KIAA1549: variants seen among roughly 807,000 people sequenced by gnomAD.
KIAA1549 encodes the protein KIAA1549, also known as UPF0606 protein KIAA1549.
KIAA1549 carries 70 observed loss-of-function variants against 156.4 expected under a neutral mutation model. That is an observed-to-expected ratio of 0.45 (90% CI 0.37 to 0.55). The LOEUF (loss-of-function observed/expected upper bound fraction) is 0.55, where lower values mean the gene tolerates loss of function less well. Ranked by LOEUF, KIAA1549 falls within the 20% of genes least tolerant of loss-of-function variation. The pLI is 0.00. For synonymous variants in KIAA1549, 1,103 were observed against 1,066.4 expected, an observed-to-expected ratio of 1.03 and a Z score of -0.67; for missense variants, 2,428 against 2,540.9, an observed-to-expected ratio of 0.96 and a Z score of 0.96.
At chr7:138,866,999 C>T (rs976231476) in intron 15 of KIAA1549, among the ~76,000 whole-genome samples, 14 of 151,978 alleles carry the variant, frequency 9.2e-5, no homozygotes, top group South Asian at 6.2e-4. Flanking sequence ...GACGGGGTTT[C>T]GCTATATTGC....
Position 138,916,612 on chromosome 7 carries a change from A to T in KIAA1549, c.2878+136T>A, listed in dbSNP as rs1584753174. The stretch of plus-strand genomic sequence containing the variant: ...CTGAGAACTCGCAGGAGGTAAGCAT[A>T]GGAGTACTACCTGGGAGTTAACTGA... On this transcript the variant is annotated intron_variant, in intron 2 of 19. Coordinates refer to ENST00000422774, the MANE Select transcript of KIAA1549 (RefSeq NM_001164665.2). 3 of 1,380,956 alleles carry T rather than the reference A, an allele frequency of 2.2e-6. No individual in the cohort carries two copies. The South Asian group carries it at 4.4e-5, about 20-fold the overall frequency. The allele number at this position is 1,380,956 out of a possible 1,614,324, so 85.5% of individuals were successfully genotyped here.
Position 138,918,780 on chromosome 7 carries a change from A to T in KIAA1549, c.846T>A (p.Phe282Leu). ...SLTEGVETTL[F>L]LSSRSLMPQP... ...GTGGCATTAAAGACCGGGAGCTTAA[A>T]AAAAGGGTGGTTTCCACACCCTCTG... The change falls in exon 2 of 20, where the codon TTT becomes TTA. Residue 282 changes from phenylalanine (F) to leucine (L), a missense_variant. Phe to Leu is a conservative substitution (Grantham distance 22, BLOSUM62 0). Around this residue, in one of 5 missense-constraint regions of KIAA1549, gnomAD observed 893 missense variants for 847.9 expected, o/e 1.05. Transcript: ENST00000422774. This position sits in a 1 kb window ranked among gnomAD's most constrained non-coding sequence, Gnocchi z 4.2. 2 of 1,613,958 alleles carry T rather than the reference A, an allele frequency of 1.2e-6. No homozygotes were observed. Among genetic ancestry groups the T allele is most frequent in the Non-Finnish European group, 1.7e-6 (2 of 1,179,882 alleles).
At chr7:138,864,402 G>A (rs963493905) in intron 15 of KIAA1549, among the ~76,000 whole-genome samples, 1 of 152,118 alleles carries the variant, frequency 6.6e-6, no homozygotes, top group Non-Finnish European at 1.5e-5. Flanking sequence ...CTGCCAGAAG[G>A]CCAGGAGCTC....
chr7:138,967,733 G>A (rs1455814715), intron 1 of KIAA1549, among the ~76,000 whole-genome samples: 5 of 152,146 alleles, frequency 3.3e-5, no homozygotes, highest in Non-Finnish European at 7.3e-5. Flanking sequence ...ATGCTGAGGT[G>A]AGGTAAGGTG....
chr7:138,950,379 G>A (rs917497628), intron 1 of KIAA1549, among the ~76,000 whole-genome samples: 4 of 152,144 alleles, frequency 2.6e-5, no homozygotes, highest in African/African-American at 9.7e-5. Flanking sequence ...GTCAGAAAAG[G>A]AAAGCCTGCC....
chr7:138,961,833 C>T (rs889031314), intron 1 of KIAA1549, among the ~76,000 whole-genome samples: 8 of 135,654 alleles, frequency 5.9e-5, no homozygotes, highest in African/African-American at 2.4e-4. Context: ...CAGATAGAGG[C>T]TCTGTCTCTT....
intron 15 of KIAA1549, among the ~76,000 whole-genome samples, chr7:138,865,375 G>A (rs140468037): frequency 3.8e-4 from 58 of 152,114 alleles, no homozygotes; most frequent in African/African-American, 1.3e-3. Context: ...TATTTTTGAG[G>A]GGAAAGTGGA....
chr7:138,933,776 G>A (rs1490520836), intron 1 of KIAA1549, among the ~76,000 whole-genome samples: 1 of 152,174 alleles, frequency 6.6e-6, no homozygotes, highest in Non-Finnish European at 1.5e-5. Flanking sequence ...GACCAACCTC[G>A]CCAACATGGC....
At chr7:138,931,092 T>TCCTA (rs1424757905) in intron 1 of KIAA1549, among the ~76,000 whole-genome samples, 1 of 152,072 alleles carries the variant, frequency 6.6e-6, no homozygotes, top group Admixed American at 6.6e-5. Flanking sequence ...AGTTGAGCAG[T>TCCTA]TAGGACACGC....
intron 13 of KIAA1549, among the ~76,000 whole-genome samples, chr7:138,870,296 T>C (rs1810889657): frequency 6.6e-6 from 1 of 151,684 alleles, no homozygotes; most frequent in Non-Finnish European, 1.5e-5. Context: ...CCACGAGCTT[T>C]ACCCTCAAGC....
At chr7:138,966,068 C>T (rs1340023360) in intron 1 of KIAA1549, among the ~76,000 whole-genome samples, 1 of 152,146 alleles carries the variant, frequency 6.6e-6, no homozygotes, top group African/African-American at 2.4e-5. Context: ...CTTGTCTTGC[C>T]CCCTTGCCTC....
In KIAA1549 at chr7:138,838,105, C is replaced by A. The variant is rs777312383; in HGVS notation, c.5654G>T (p.Arg1885Met). Residue 1885 changes from arginine (R) to methionine (M), a missense_variant, in exon 20 of 20, where the codon AGG becomes ATG. Transcript: ENST00000422774. ...AGCTGAGGGCTCCCTGCCTGAAGTC[C>A]TTGGCACCTGAAATAGCGGTGAAGA... The part of the protein sequence containing the change: ...YSSSPLFQVP[R>M]TSGREPSAPS... 6.4e-7 allele frequency: 1 copy of A among 1,554,308 alleles called. No individual in the cohort carries two copies. The highest frequency in any genetic ancestry group is 1.2e-5 in the South Asian group (1 of 83,238).
chr7:138,905,921 T>C (rs754184801), intron 6 of KIAA1549, among the ~76,000 whole-genome samples: 2 of 152,246 alleles, frequency 1.3e-5, no homozygotes, highest in Non-Finnish European at 2.9e-5. Context: ...AATGAAGATA[T>C]AGAACAGTTT....
chr7:138,901,044 C>A (rs528887852), intron 8 of KIAA1549, among the ~76,000 whole-genome samples: 1 of 152,294 alleles, frequency 6.6e-6, no homozygotes, highest in South Asian at 2.1e-4. Context: ...TATCTGGAAC[C>A]CTTATAACCA....
At chr7:138,934,204 T>A (rs1355071141) in intron 1 of KIAA1549, among the ~76,000 whole-genome samples, 2 of 151,290 alleles carry the variant, frequency 1.3e-5, no homozygotes, top group African/African-American at 4.9e-5. Flanking sequence ...GAGGAGCCCA[T>A]GGGGTTGAGA....
chr7:138,962,698 G>C (rs983745679), intron 1 of KIAA1549, among the ~76,000 whole-genome samples: 4 of 152,156 alleles, frequency 2.6e-5, no homozygotes, highest in Non-Finnish European at 5.9e-5. Flanking sequence ...CCCCAGCTGA[G>C]TTTCATGGAG....
chr7:138,907,191 G>A (rs528736116), intron 5 of KIAA1549, 89 bp from the exon 6 acceptor site: 3 of 1,140,912 alleles, frequency 2.6e-6, no homozygotes, highest in Middle Eastern at 2.8e-4. Context: ...TCCTCTCACC[G>A]ATTTTTTTAA....
intron 15 of KIAA1549, 42 bp downstream of exon 15, chr7:138,867,933 C>T (rs1470123687): frequency 2.5e-6 from 4 of 1,603,456 alleles, no homozygotes; most frequent in Admixed American, 1.7e-5. Flanking sequence ...TTCTAGGAGC[C>T]GCCCCACCCG....
intron 6 of KIAA1549, among the ~76,000 whole-genome samples, chr7:138,906,701 G>C: frequency 6.6e-6 from 1 of 152,108 alleles, no homozygotes; most frequent in Non-Finnish European, 1.5e-5. Flanking sequence ...ATGTGGAGCA[G>C]TGTATACTGC....
Sources: allele counts gnomAD v4.1 joint callset (sites outside exome capture counted in the v4.1 genomes callset), GRCh38; gene constraint gnomAD v4.1.1; regional missense constraint gnomAD v4.1.1; non-coding constraint Gnocchi (gnomAD v3.1); transcripts MANE v1.5; gene names NCBI Gene and HGNC (gene_info 2026-07-23, HGNC 2026-07-21).